The following UPF2 variants were observed in gnomAD, a reference collection of about 807,000 sequenced individuals.
UPF2 encodes UPF2 regulator of nonsense mediated mRNA decay, also known as regulator of nonsense transcripts 2.
In UPF2, 17 loss-of-function variants were observed where a neutral mutation model predicts 141.4. That is an observed-to-expected ratio of 0.12 (90% CI 0.08 to 0.18). The LOEUF is 0.18. Among genes scored for constraint, UPF2 ranks in the 10% least tolerant of loss-of-function variants. The pLI is 1.00. For synonymous variants in UPF2, 540 were observed against 498.0 expected, an observed-to-expected ratio of 1.08 and a Z score of -1.12; for missense variants, 1,152 against 1,515.9, an observed-to-expected ratio of 0.76 and a Z score of 3.99.
intron 9 of UPF2, among the ~76,000 whole-genome samples, chr10:11,969,390 C>T (rs1226335235): frequency 2.6e-5 from 4 of 151,954 alleles, no homozygotes; most frequent in South Asian, 2.1e-4. Flanking sequence ...AGGCTGGTCT[C>T]GAACTCCTGA....
At chr10:11,925,783 G>A (rs1354675288) in intron 21 of UPF2, among the ~76,000 whole-genome samples, 1 of 152,182 alleles carries the variant, frequency 6.6e-6, no homozygotes, top group African/African-American at 2.4e-5. Flanking sequence ...AGAACTAAAG[G>A]TCAGCTAGGC....
chr10:11,954,641 A>ATATATAT, intron 14 of UPF2, among the ~76,000 whole-genome samples: 1 of 37,202 alleles, frequency 2.7e-5, no homozygotes, highest in Non-Finnish European at 7.8e-5. Context: ...CTCAAAAAAA[A>ATATATAT]AAATATATAT....
chr10:12,024,582 C>A (rs1432670351), intron 3 of UPF2, among the ~76,000 whole-genome samples: 1 of 151,980 alleles, frequency 6.6e-6, no homozygotes, highest in African/African-American at 2.4e-5. Context: ...TGTACTCCAG[C>A]CTGGGCAACA....
chr10:11,960,076 G>T (rs1833215594), intron 11 of UPF2, among the ~76,000 whole-genome samples: 1 of 152,000 alleles, frequency 6.6e-6, no homozygotes, highest in African/African-American at 2.4e-5. Flanking sequence ...ATTTCGAATT[G>T]GATAATTTGT....
At chr10:11,975,522 T>G (rs531391526) in intron 9 of UPF2, among the ~76,000 whole-genome samples, 1 of 152,098 alleles carries the variant, frequency 6.6e-6, no homozygotes, top group African/African-American at 2.4e-5. Context: ...TGTTGTTGTT[T>G]TTTGAGATGG....
At chr10:11,963,960 C>T in intron 11 of UPF2, 49 bp downstream of exon 11, 1 of 1,338,092 alleles carries the variant, frequency 7.5e-7, no homozygotes, top group Non-Finnish European at 1.1e-6. Flanking sequence ...CTCTGAAGCA[C>T]AGGTAAATCA....
intron 18 of UPF2, among the ~76,000 whole-genome samples, chr10:11,941,409 T>C (rs1588529083): frequency 6.6e-6 from 1 of 152,314 alleles, no homozygotes; most frequent in East Asian, 1.9e-4. Context: ...TATTTTAATA[T>C]ATAAAGAAAG....
At chr10:12,001,333 G>T (rs1423553166) in intron 6 of UPF2, among the ~76,000 whole-genome samples, 1 of 152,114 alleles carries the variant, frequency 6.6e-6, no homozygotes, top group East Asian at 1.9e-4. Flanking sequence ...AGAATTGCTT[G>T]AACCCAGGAG....
chr10:12,022,073 G>T (rs1265865328), intron 3 of UPF2, among the ~76,000 whole-genome samples: 1 of 152,112 alleles, frequency 6.6e-6, no homozygotes, highest in African/African-American at 2.4e-5. Flanking sequence ...CTAGGAGGTG[G>T]AAGTTGCAGT....
At chr10:11,967,556 T>TC in intron 9 of UPF2, 102 bp from the exon 10 acceptor site, 1 of 750,492 alleles carries the variant, frequency 1.3e-6, no homozygotes, top group East Asian at 3.4e-5. Context: ...GTTTTTTTTT[T>TC]TTTTTTTTTT....
chr10:12,012,540 GAGGCCGAGGTGTACCTCGGCCC>G (rs1157354107), intron 4 of UPF2, among the ~76,000 whole-genome samples: 1 of 152,076 alleles, frequency 6.6e-6, no homozygotes, highest in Non-Finnish European at 1.5e-5. Context: ...AGCACATTGG[GAGGCCGAGGTGTACCTCGGCCC>G]ACAGCCAATT....
At chr10:11,938,870 T>TTTTTTG (rs1832898253) in intron 18 of UPF2, among the ~76,000 whole-genome samples, 1 of 112,564 alleles carries the variant, frequency 8.9e-6, no homozygotes, top group African/African-American at 3.2e-5. Context: ...TTTTTTTTTT[T>TTTTTTG]TTTTTTTTTT....
chr10:12,001,748 T>C lies in UPF2; in HGVS notation c.1582A>G (p.Asn528Asp). Reference sequence around the variant, plus strand: ...CCCTCTAATTCTAAGGTGTCATCATTAATTTCTAGATTCTCCAACTCAAGT... The same window carrying C: ...CCCTCTAATTCTAAGGTGTCATCATCAATTTCTAGATTCTCCAACTCAAGT... ...LELELENLEI[N>D]DDTLELEGGD... Residue 528 changes from asparagine to aspartate, a missense_variant, in exon 6 of 22, where the codon AAT (asparagine) becomes GAT (aspartate). Asn to Asp is a conservative substitution (Grantham distance 23, BLOSUM62 1). Around this residue, in one of 4 missense-constraint regions of UPF2, gnomAD observed 739 missense variants for 1,032.2 expected, o/e 0.72. Transcript: ENST00000357604. 2 of 1,613,320 alleles carry C rather than the reference T, an allele frequency of 1.2e-6. No homozygotes were observed. Among genetic ancestry groups the C allele is most frequent in the Non-Finnish European group, 1.7e-6 (2 of 1,179,752 alleles).
chr10:12,004,555 T>C lies in UPF2; in HGVS notation c.1479A>G (p.Lys493=). Reference sequence around the variant, plus strand: ...CTTTGGTATCATCTTTGTTGGACTCTTTATTCTGACAACTTTTTTCATTGT... The same window carrying C: ...CTTTGGTATCATCTTTGTTGGACTCCTTATTCTGACAACTTTTTTCATTGT... The part of the protein sequence containing the change: ...FKDNEKSCQN[K]ESNKDDTKEA... Residue 493 remains lysine, a synonymous_variant, in exon 5 of 22, where the codon AAA becomes AAG. Transcript: ENST00000357604. 2 of 1,613,692 alleles carry C rather than the reference T, an allele frequency of 1.2e-6. No individual in the cohort carries two copies. The highest frequency in any genetic ancestry group is 2.2e-5 in the South Asian group (2 of 91,020).
rs955966097 is a variant in UPF2 at position 11,948,349 on chromosome 10, C to G, written c.3174+20G>C. The G allele has an allele frequency of 3.2e-6, 5 of 1,556,326 alleles. No homozygotes were observed. The African/African-American group carries it at 6.8e-5, about 21-fold the overall frequency. On this transcript the variant is annotated intron_variant, in intron 16 of 21. Transcript: ENST00000357604. ...TCTTATACAAATGTACTCTATGTTG[C>G]TACATATAAAAGTCATCACCTCTTC...
chr10:11,924,527 G>A (rs1832686421), intron 21 of UPF2, among the ~76,000 whole-genome samples: 1 of 151,890 alleles, frequency 6.6e-6, no homozygotes, highest in Non-Finnish European at 1.5e-5. Context: ...GCACTGAACT[G>A]AGATTGTGTC....
chr10:11,938,499 T>C (rs1284922068), intron 18 of UPF2, among the ~76,000 whole-genome samples: 3 of 152,192 alleles, frequency 2.0e-5, no homozygotes, highest in Admixed American at 2.0e-4. Context: ...ACCAAACCAT[T>C]ACTCAAACAA....
intron 8 of UPF2, among the ~76,000 whole-genome samples, chr10:11,988,284 TA>T (rs1328350781): frequency 1.3e-5 from 2 of 152,316 alleles, no homozygotes; most frequent in East Asian, 3.9e-4. Flanking sequence ...AAATGCTATA[TA>T]AATAGTTGTT....
chr10:11,966,547 C>T (rs564934292), intron 10 of UPF2, among the ~76,000 whole-genome samples: 89 of 152,280 alleles, frequency 5.8e-4, no homozygotes, highest in Middle Eastern at 3.4e-3. Flanking sequence ...CCCTCAGCCT[C>T]CCGAGTAGCT....
Sources: allele counts gnomAD v4.1 joint callset (sites outside exome capture counted in the v4.1 genomes callset), GRCh38; gene constraint gnomAD v4.1.1; regional missense constraint gnomAD v4.1.1; transcripts MANE v1.5; gene names NCBI Gene and HGNC (gene_info 2026-07-23, HGNC 2026-07-21).